AOX1: variants seen among roughly 807,000 people sequenced by gnomAD.
AOX1 encodes aldehyde oxidase.
In AOX1, 153 loss-of-function variants were observed where a neutral mutation model predicts 169.5. That is an observed-to-expected ratio of 0.90 (90% CI 0.79 to 1.03). The LOEUF (loss-of-function observed/expected upper bound fraction) is 1.03, where lower values mean the gene tolerates loss of function less well. AOX1 is among the 50% of genes least tolerant of loss of function. The pLI is 0.00. For missense variants in AOX1, 1,656 were observed against 1,663.9 expected, an observed-to-expected ratio of 1.00 and a Z score of 0.08; for synonymous variants, 562 against 581.9, an observed-to-expected ratio of 0.97 and a Z score of 0.49.
intron 5 of AOX1, among the ~76,000 whole-genome samples, chr2:200,601,208 A>G (rs1258863661): frequency 1.3e-5 from 2 of 152,042 alleles, no homozygotes; most frequent in Non-Finnish European, 2.9e-5. Context: ...TAAGCCAGGC[A>G]CAGAAGAACA....
rs776474592 is a variant in AOX1 at position 200,670,827 on chromosome 2, T to C, written c.*148T>C. The C allele has an allele frequency of 1.7e-6, 1 of 604,040 alleles. No individual in the cohort carries two copies. The highest frequency in any genetic ancestry group is 2.9e-6 in the Non-Finnish European group (1 of 344,264). 37.4% of individuals were successfully genotyped at this position (604,040 alleles called of 1,614,324 possible). A position where few individuals can be genotyped will look rare whatever the true frequency, so the allele number is the denominator to read the frequency against. ...AGTGTTGCTTTTCTATGGAGCTGAT[T>C]TAAAGTATTCCATTTAGATTTGATA... On this transcript the variant is annotated 3_prime_UTR_variant, in exon 35 of 35. Transcript: ENST00000374700.
At chr2:200,599,505 G>A (rs2034357272) in intron 4 of AOX1, 115 bp from the exon 5 acceptor site, 2 of 833,756 alleles carry the variant, frequency 2.4e-6, no homozygotes, top group Non-Finnish European at 3.6e-6. Context: ...GGCCTCTGCT[G>A]CAATCTTAAC....
At position 200,605,521 on chromosome 2, in the gene AOX1, TTTTTG is replaced by T; in HGVS notation, c.815-14_815-10del. On this transcript the variant is annotated splice_polypyrimidine_tract_variant and intron_variant, in intron 9 of 34. Coordinates refer to ENST00000374700, the MANE Select transcript of AOX1 (RefSeq NM_001159.4). ...TTCTAGTCTTATTGATTTTTTTTTTTTTTTGATCCTTTAGGGCCTGAAGTGAAATT... is the reference window on the plus strand; with the variant it reads ...TTCTAGTCTTATTGATTTTTTTTTTTATCCTTTAGGGCCTGAAGTGAAATT... The T allele has an allele frequency of 6.9e-7, 1 of 1,439,046 alleles. No homozygotes were observed. The highest frequency in any genetic ancestry group is 9.3e-7 in the Non-Finnish European group (1 of 1,072,216). 89.1% of individuals were successfully genotyped at this position (1,439,046 alleles called of 1,614,324 possible).
chr2:200,599,571 C>A, intron 4 of AOX1, 49 bp from the exon 5 acceptor site: 1 of 1,531,336 alleles, frequency 6.5e-7, no homozygotes, highest in Non-Finnish European at 8.9e-7. Context: ...TTCATTAGGC[C>A]TGGGATGGGG....
chr2:200,649,959 T>G (rs1003216927), intron 25 of AOX1, among the ~76,000 whole-genome samples: 8 of 152,242 alleles, frequency 5.3e-5, no homozygotes, highest in African/African-American at 1.9e-4. Context: ...TCCTTGGACC[T>G]TCAGCGGGCA....
downstream of AOX1, among the ~76,000 whole-genome samples, chr2:200,679,722 G>A (rs1185159704): frequency 6.6e-6 from 1 of 151,822 alleles, no homozygotes; most frequent in Admixed American, 6.6e-5. Flanking sequence ...CCCTAGGAAT[G>A]CTTTGAGTCC....
chr2:200,679,205 C>G (rs192945512), downstream of AOX1: 35 of 152,332 alleles, frequency 2.3e-4, no homozygotes, highest in Non-Finnish European at 3.4e-4. Context: ...ATATTCATAT[C>G]AAAGTAATTA....
At chr2:200,613,042 GAGAC>G (rs1553569254) in intron 14 of AOX1, among the ~76,000 whole-genome samples, 10 of 151,556 alleles carry the variant, frequency 6.6e-5, no homozygotes, top group South Asian at 2.1e-4. Context: ...GAGAGAGAGA[GAGAC>G]AGACAGACAG....
intron 33 of AOX1, 111 bp from the exon 34 acceptor site, chr2:200,669,463 AT>A: frequency 2.5e-6 from 3 of 1,214,828 alleles, no homozygotes; most frequent in Middle Eastern, 4.2e-4. Context: ...AAAAAAAAAA[AT>A]GTACATATGT....
chr2:200,600,791 AG>A (rs897543932), intron 5 of AOX1, among the ~76,000 whole-genome samples: 6 of 152,168 alleles, frequency 3.9e-5, no homozygotes, highest in African/African-American at 1.4e-4. Flanking sequence ...ACAAGTGATA[AG>A]GGGTTCTCAG....
In AOX1 at chr2:200,670,908, C is replaced by A; in HGVS notation, c.*229C>A. On this transcript the variant is annotated 3_prime_UTR_variant, in exon 35 of 35. Coordinates refer to ENST00000374700, the MANE Select transcript of AOX1 (RefSeq NM_001159.4). ...CAATGTTATAAACACTAATTGGTTT[C>A]CTCTAGGGTGATATCCGTCATTACT... The A allele has an allele frequency of 2.2e-6, 1 of 459,122 alleles. No homozygotes were observed. Among genetic ancestry groups the A allele is most frequent in the Non-Finnish European group, 3.9e-6 (1 of 258,904 alleles). 28.4% of individuals were successfully genotyped at this position (459,122 alleles called of 1,614,324 possible). A position where few individuals can be genotyped will look rare whatever the true frequency, so the allele number is the denominator to read the frequency against.
rs775253204 is a variant in AOX1, at chr2:200,586,121, T to C, written c.13T>C (p.Ser5Pro). Reference sequence around the variant, plus strand: ...CGCGGACACCACAATGGACCGGGCGTCCGAGCTGCTCTTCTACGTGAACGG... The same window carrying C: ...CGCGGACACCACAATGGACCGGGCGCCCGAGCTGCTCTTCTACGTGAACGG... MDRA[S>P]ELLFYVNGRK... The change falls in exon 1 of 35, where the codon TCC (serine) becomes CCC (proline). Residue 5 changes from serine (S) to proline (P), a missense_variant. Ser to Pro is a moderately conservative substitution (Grantham distance 74). Coordinates refer to ENST00000374700, the MANE Select transcript of AOX1 (RefSeq NM_001159.4). 7.7e-6 allele frequency: 12 copies of C among 1,563,328 alleles called. No homozygotes were observed. Among genetic ancestry groups the C allele is most frequent in the Non-Finnish European group, 9.5e-6 (11 of 1,155,032 alleles).
At chr2:200,604,456 T>C (rs2034474705) in intron 8 of AOX1, among the ~76,000 whole-genome samples, 2 of 152,248 alleles carry the variant, frequency 1.3e-5, no homozygotes, top group Admixed American at 1.3e-4. Flanking sequence ...ATTAAAATGA[T>C]GTTCTTTGAG....
chr2:200,656,859 C>A lies in AOX1; in HGVS notation c.3093C>A (p.His1031Gln). 6.3e-7 allele frequency: 1 copy of A among 1,586,096 alleles called. No homozygotes were observed. The highest frequency in any genetic ancestry group is 8.6e-7 in the Non-Finnish European group (1 of 1,165,492). The change falls in exon 27 of 35, where the codon CAC becomes CAA. Residue 1031 changes from histidine (H) to glutamine (Q), a missense_variant. Transcript: ENST00000374700. ...CTGCTCAGGCTGCTGCCTTGGTTCA[C>A]ATTTATCTTGATGGCTCTGTGCTGG... is the stretch of plus-strand genomic sequence containing the variant. Reference protein sequence around the residue: ...RAAGQAAALVHIYLDGSVLVT... With the variant: ...RAAGQAAALVQIYLDGSVLVT...
Position 200,641,187 on chromosome 2 carries a change from A to C in AOX1, c.2655+3A>C. On this transcript the variant is annotated splice_donor_region_variant and intron_variant, in intron 24 of 34. Transcript: ENST00000374700. ...CCTCCTTGGATGAATCATTATTCGT[A>C]AGTGTTTTAAGGAGCAAGTTCACAT... The C allele has an allele frequency of 1.9e-6, 3 of 1,596,642 alleles. No individual in the cohort carries two copies. Among genetic ancestry groups the C allele is most frequent in the Non-Finnish European group, 2.6e-6 (3 of 1,164,452 alleles).
intron 3 of AOX1, among the ~76,000 whole-genome samples, chr2:200,596,655 G>A (rs2034289873): frequency 6.6e-6 from 1 of 152,184 alleles, no homozygotes; most frequent in Non-Finnish European, 1.5e-5. Context: ...CCTGTTTAAG[G>A]CAGGTTCCTT....
chr2:200,602,779 C>T (rs553522165), intron 6 of AOX1, among the ~76,000 whole-genome samples: 34 of 152,164 alleles, frequency 2.2e-4, no homozygotes, highest in Middle Eastern at 3.4e-3. Context: ...TGTATATCTC[C>T]GGGTCCAGTC....
At chr2:200,667,447 C>G (rs1206042501) in intron 32 of AOX1, among the ~76,000 whole-genome samples, 1 of 146,410 alleles carries the variant, frequency 6.8e-6, no homozygotes, top group Non-Finnish European at 1.5e-5. Context: ...GTCCCCTCCC[C>G]CCCACCCCCC....
At position 200,586,115 on chromosome 2, in the gene AOX1, C is replaced by T. The variant is rs757671419; in HGVS notation, c.7C>T (p.Arg3Trp). ...AACCAGCGCGGACACCACAATGGAC[C>T]GGGCGTCCGAGCTGCTCTTCTACGT... Reference protein sequence around the residue: MDRASELLFYVNG... With the variant: MDWASELLFYVNG... The change falls in exon 1 of 35, where the codon CGG (arginine) becomes TGG (tryptophan). Residue 3 changes from arginine (R) to tryptophan (W), a missense_variant. Coordinates refer to ENST00000374700, the MANE Select transcript of AOX1 (RefSeq NM_001159.4). The T allele has an allele frequency of 1.2e-5, 18 of 1,560,958 alleles. No individual in the cohort carries two copies. Among genetic ancestry groups the T allele is most frequent in the East Asian group, 9.5e-5 (4 of 41,898 alleles).
Sources: gnomAD v4.1 joint callset for allele counts (sites outside exome capture counted in the v4.1 genomes callset) on GRCh38, gnomAD v4.1.1 for gene constraint, MANE v1.5 for transcripts, NCBI Gene and HGNC (gene_info 2026-07-23, HGNC 2026-07-21) for gene names.